CDCP2: variants seen among roughly 807,000 people sequenced by gnomAD.
CDCP2 encodes CUB domain containing protein 2, also known as CUB domain-containing protein 2.
A neutral mutation model predicts 31.0 loss-of-function variants in CDCP2; 31 were observed. The ratio of observed to expected loss-of-function variants is 1.00; its 90% CI spans 0.75 to 1.35. The LOEUF is 1.35. Among genes scored for constraint, CDCP2 ranks in the 40% most tolerant of loss-of-function variants. The probability of loss-of-function intolerance (pLI) is 0.00; values close to 1 mark genes in which losing one functional copy is unlikely to be tolerated. For synonymous variants in CDCP2, 206 were observed against 207.9 expected (o/e 0.99, Z 0.08); for missense variants, 443 against 482.6 (o/e 0.92, Z 0.77).
At chr1:54,141,469 T>A in intron 2 of CDCP2, 36 bp from the exon 3 acceptor site, 1 of 1,537,346 alleles carries the variant, frequency 6.5e-7, no homozygotes, top group South Asian at 1.3e-5. Flanking sequence ...CCTTTCTTTC[T>A]CCTTGTGGCT....
At chr1:54,145,587 T>G (rs1659454502) in intron 1 of CDCP2, among the ~76,000 whole-genome samples, 1 of 152,160 alleles carries the variant, frequency 6.6e-6, no homozygotes, top group Non-Finnish European at 1.5e-5. Flanking sequence ...AGTTAATTAT[T>G]AAAACATTAT....
intron 5 of CDCP2, among the ~76,000 whole-genome samples, chr1:54,135,695 C>T (rs1557704874): frequency 6.6e-6 from 1 of 152,116 alleles, no homozygotes; most frequent in Non-Finnish European, 1.5e-5. Flanking sequence ...GGGCAGAATA[C>T]CTCGGCAGCC....
At chr1:54,140,475 C>T (rs79950126) in intron 3 of CDCP2, 40,553 of 353,090 alleles carry the variant, frequency 0.11, 2,717 homozygotes, top group Middle Eastern at 0.16. Flanking sequence ...CCTTTTCTCA[C>T]TGCCCCATTT....
In CDCP2 at chr1:54,141,442, G is replaced by T; in HGVS notation, c.428-9C>A. 2 of 1,573,870 alleles carry T rather than the reference G, an allele frequency of 1.3e-6. No homozygotes were observed. The highest frequency in any genetic ancestry group is 1.7e-6 in the Non-Finnish European group (2 of 1,158,806). ...GACGCCGCCACACACATCTGCAAGG[G>T]AGCCCACTTGAGCTGACCTTTCTTT... On this transcript the variant is annotated splice_polypyrimidine_tract_variant and intron_variant, in intron 2 of 5. Transcript: ENST00000530059.
intron 2 of CDCP2, chr1:54,141,982 G>C (rs1463150692): frequency 6.5e-6 from 1 of 153,018 alleles, no homozygotes; most frequent in Non-Finnish European, 1.5e-5. Flanking sequence ...GGGCTGCTGT[G>C]GGCTGGGAGT....
chr1:54,147,214 C>T (rs1659490008), intron 1 of CDCP2, among the ~76,000 whole-genome samples: 1 of 147,686 alleles, frequency 6.8e-6, no homozygotes, highest in Admixed American at 6.8e-5. Flanking sequence ...TATATAAAAA[C>T]AAGAATTCAC....
upstream of CDCP2, chr1:54,152,952 C>T (rs760927624): frequency 1.1e-5 from 17 of 1,608,582 alleles, no homozygotes; most frequent in African/African-American, 1.6e-4. Context: ...ACAGGTCTGC[C>T]GAGCTCAGGT....
chr1:54,136,569 AG>A, intron 5 of CDCP2, 60 bp downstream of exon 5: 1 of 399,212 alleles, frequency 2.5e-6, no homozygotes, highest in Non-Finnish European at 4.4e-6. Flanking sequence ...CAGGAATGTG[AG>A]ATGCCTTTCA....
intron 1 of CDCP2, among the ~76,000 whole-genome samples, chr1:54,148,188 A>G (rs1659508920): frequency 1.3e-5 from 2 of 151,548 alleles, no homozygotes; most frequent in South Asian, 4.1e-4. Context: ...ACTTTGCTAA[A>G]TGTTTGAATT....
At chr1:54,152,564 T>G (rs1659601840) in intron 1 of CDCP2, among the ~76,000 whole-genome samples, 1 of 152,154 alleles carries the variant, frequency 6.6e-6, no homozygotes, top group Admixed American at 6.5e-5. Flanking sequence ...ACTTAATATC[T>G]CTAGTCCTCA....
intron 5 of CDCP2, among the ~76,000 whole-genome samples, chr1:54,135,739 G>A (rs1401391073): frequency 6.6e-5 from 10 of 152,274 alleles, no homozygotes; most frequent in Non-Finnish European, 8.8e-5. Context: ...CTCTTCTCAG[G>A]TCAAAAGGAT....
chr1:54,139,804 G>A, exon 4 of CDCP2: 1 of 1,614,230 alleles, frequency 6.2e-7, no homozygotes. Context: ...CGGTCTGTGT[G>A]CAGCAGAAGC....
At position 54,148,996 on chromosome 1, in the gene CDCP2, A is replaced by G. The variant is rs548031979; in HGVS notation, c.79+3848T>C. Among the ~76,000 whole-genome samples the G allele has an allele frequency of 5.4e-5, 8 of 147,256 alleles. No homozygotes were observed. In the South Asian group the frequency reaches 1.5e-3, roughly 27 times the overall value. ...AAAAATATATATATATATAATATAT[A>G]ATATATTTATTTTATATATATATAT... On this transcript the variant is annotated intron_variant, in intron 1 of 5. Transcript: ENST00000530059.
chr1:54,151,626 G>A (rs1194730627), intron 1 of CDCP2, among the ~76,000 whole-genome samples: 1 of 152,200 alleles, frequency 6.6e-6, no homozygotes, highest in Non-Finnish European at 1.5e-5. Context: ...GGGTTGAGAT[G>A]CTTGGGTGCC....
chr1:54,148,990 ATATAT>A (rs1659528274), intron 1 of CDCP2, among the ~76,000 whole-genome samples: 1 of 144,804 alleles, frequency 6.9e-6, no homozygotes. Flanking sequence ...TATATATATA[ATATAT>A]AATATATTTA....
chr1:54,149,823 T>G (rs1302029526), intron 1 of CDCP2, among the ~76,000 whole-genome samples: 1 of 152,232 alleles, frequency 6.6e-6, no homozygotes, highest in Non-Finnish European at 1.5e-5. Context: ...GCTGAATGAA[T>G]GAGTGAGTGA....
intron 2 of CDCP2, 95 bp from the exon 3 acceptor site, chr1:54,141,528 A>G: frequency 9.1e-7 from 1 of 1,098,322 alleles, no homozygotes; most frequent in Non-Finnish European, 1.3e-6. Flanking sequence ...CTGCCCCCAC[A>G]GGTATCTCAT....
chr1:54,146,902 C>G (rs1163869759), intron 1 of CDCP2, among the ~76,000 whole-genome samples: 1 of 151,272 alleles, frequency 6.6e-6, no homozygotes, highest in African/African-American at 2.5e-5. Context: ...ATGGCGAAAC[C>G]CTGTCTCTAC....
At chr1:54,140,127 T>A (rs746653368) in intron 3 of CDCP2, 21 bp from the exon 4 acceptor site, 1 of 1,606,908 alleles carries the variant, frequency 6.2e-7, no homozygotes, top group Non-Finnish European at 8.5e-7. Context: ...GATGGGGAGG[T>A]GGAAGGAGCA....
Sources: gnomAD v4.1 joint callset for allele counts (sites outside exome capture counted in the v4.1 genomes callset) on GRCh38, gnomAD v4.1.1 for gene constraint, MANE v1.5 for transcripts, NCBI Gene and HGNC (gene_info 2026-07-23, HGNC 2026-07-21) for gene names.